Variants in LIN28B observed in about 807,000 individuals in gnomAD.
The protein encoded by LIN28B is lin-28 RNA binding posttranscriptional regulator B.
A neutral mutation model predicts 21.9 loss-of-function variants in LIN28B; 5 were observed. The observed-to-expected ratio is 0.23, with a 90% CI of 0.12 to 0.48. The LOEUF (loss-of-function observed/expected upper bound fraction) is 0.48, where lower values mean the gene tolerates loss of function less well. Ranked by LOEUF, LIN28B falls within the 20% of genes least tolerant of loss-of-function variation. LIN28B has a pLI of 0.98. For synonymous variants in LIN28B, 109 were observed against 111.3 expected (o/e 0.98, Z 0.13); for missense variants, 245 against 310.5 (o/e 0.79, Z 1.58).
At chr6:105,067,649 A>G (rs1020699348) in intron 3 of LIN28B, among the ~76,000 whole-genome samples, 4 of 152,148 alleles carry the variant, frequency 2.6e-5, no homozygotes, top group Non-Finnish European at 4.4e-5. Flanking sequence ...GAGAGATAAC[A>G]TTTCTATTTG....
intron 3 of LIN28B, among the ~76,000 whole-genome samples, chr6:105,052,258 T>A (rs62419620): frequency 0.036 from 5,500 of 152,250 alleles, 146 homozygotes; most frequent in Middle Eastern, 0.061. Flanking sequence ...TTTATGAAGT[T>A]TGATTTTATT....
In LIN28B at chr6:105,030,120, T is replaced by C. The variant is rs77714763; in HGVS notation, c.383+3638T>C. Among the ~76,000 whole-genome samples, 473 of 152,298 alleles carry C rather than the reference T, an allele frequency of 3.1e-3. 6 individuals carry two copies. The highest frequency in any genetic ancestry group is 0.011 in the African/African-American group (451 of 41,560). ...TATTAAGCTAAGGGTGTCCATAATT[T>C]TTGTCACTAGGATTAGCAATTCCAG... On this transcript the variant is annotated intron_variant, in intron 3 of 3. Coordinates refer to ENST00000345080, the MANE Select transcript of LIN28B (RefSeq NM_001004317.4).
chr6:105,026,044 A>G (rs1184428537), intron 2 of LIN28B, among the ~76,000 whole-genome samples: 3 of 152,084 alleles, frequency 2.0e-5, no homozygotes. Flanking sequence ...TTAATTGTGG[A>G]ATTGCTGGGA....
chr6:104,957,044 A>G (rs1029230513), upstream of LIN28B: 3 of 1,425,538 alleles, frequency 2.1e-6, no homozygotes, highest in South Asian at 1.5e-5. Context: ...GCAAGAAAGC[A>G]TGTAATTGAC....
intron 3 of LIN28B, among the ~76,000 whole-genome samples, chr6:105,049,785 T>C (rs1475976493): frequency 6.6e-6 from 1 of 152,198 alleles, no homozygotes; most frequent in Non-Finnish European, 1.5e-5. Context: ...ATGATCTTTG[T>C]TGGTTTAAAG....
chr6:104,954,286 A>G (rs940113076), upstream of LIN28B, among the ~76,000 whole-genome samples: 3 of 152,224 alleles, frequency 2.0e-5, no homozygotes, highest in African/African-American at 7.2e-5. Flanking sequence ...TAGAAGACTC[A>G]TAGGACGACT....
intron 2 of LIN28B, among the ~76,000 whole-genome samples, chr6:105,009,522 C>T (rs928658226): frequency 6.6e-6 from 1 of 152,018 alleles, no homozygotes; most frequent in Non-Finnish European, 1.5e-5. Flanking sequence ...TTTCCTATTA[C>T]CTGTACAGCT....
intron 3 of LIN28B, among the ~76,000 whole-genome samples, chr6:105,044,115 C>G (rs929268744): frequency 6.6e-6 from 1 of 151,854 alleles, no homozygotes; most frequent in Non-Finnish European, 1.5e-5. Flanking sequence ...CTTTTAAATC[C>G]ATCAAAAGTT....
intron 2 of LIN28B, among the ~76,000 whole-genome samples, chr6:104,992,674 T>TA (rs900772515): frequency 9.9e-5 from 15 of 152,036 alleles, no homozygotes; most frequent in South Asian, 2.1e-4. Flanking sequence ...TCTGGATAAT[T>TA]AAAAAAATTT....
At chr6:104,950,566 A>G (rs995487045) in intron 3 of LIN28B, 1 of 995,552 alleles carries the variant, frequency 1.0e-6, no homozygotes. Context: ...TAAAAGATCA[A>G]GATCGCTAGA....
At chr6:104,956,982 T>TG, upstream of LIN28B, 1 of 881,076 alleles carries the variant, frequency 1.1e-6, no homozygotes, top group Non-Finnish European at 1.6e-6. Flanking sequence ...AAATGGCGAT[T>TG]GGTTATCTCT....
At chr6:105,030,021 C>T (rs1377334643) in intron 3 of LIN28B, among the ~76,000 whole-genome samples, 3 of 152,184 alleles carry the variant, frequency 2.0e-5, no homozygotes, top group Non-Finnish European at 4.4e-5. Flanking sequence ...ACTGTTCCAA[C>T]TCCTTACTCT....
At chr6:105,029,137 G>A (rs553496794) in intron 3 of LIN28B, among the ~76,000 whole-genome samples, 10 of 152,156 alleles carry the variant, frequency 6.6e-5, no homozygotes, top group Non-Finnish European at 1.3e-4. Context: ...GAAAGCCTTC[G>A]TGGGTTGTGT....
chr6:105,055,919 C>CTT (rs71006633), intron 3 of LIN28B, among the ~76,000 whole-genome samples: 2,502 of 83,058 alleles, frequency 0.03, 17 homozygotes, highest in Non-Finnish European at 0.037. Context: ...CCATGCCTGG[C>CTT]TTTTTTTTTT....
At chr6:105,029,084 G>A (rs1771362713) in intron 3 of LIN28B, among the ~76,000 whole-genome samples, 1 of 152,190 alleles carries the variant, frequency 6.6e-6, no homozygotes, top group Admixed American at 6.5e-5. Context: ...TCATTATTGA[G>A]GTCTGAGGTT....
chr6:104,947,157 C>T (rs1004258272), intron 2 of LIN28B, among the ~76,000 whole-genome samples: 10 of 152,154 alleles, frequency 6.6e-5, no homozygotes, highest in Non-Finnish European at 1.5e-4. Flanking sequence ...CAGAGTCTCA[C>T]TGTGTCACCC....
At chr6:104,990,567 T>A (rs999827083) in intron 2 of LIN28B, among the ~76,000 whole-genome samples, 16 of 107,078 alleles carry the variant, frequency 1.5e-4, no homozygotes, top group African/African-American at 4.7e-4. Context: ...TTTTTATTTT[T>A]TATTTTTTTT....
intron 2 of LIN28B, chr6:104,941,330 T>G (rs1778088178): frequency 6.6e-6 from 1 of 151,934 alleles, no homozygotes; most frequent in Admixed American, 6.5e-5. Context: ...CACACCTTTC[T>G]CTCCCCGCTC....
intron 2 of LIN28B, among the ~76,000 whole-genome samples, chr6:105,011,631 CCT>C (rs1225712725): frequency 3.3e-5 from 5 of 151,052 alleles, no homozygotes; most frequent in East Asian, 2.0e-4. Context: ...AGGCAGATCA[CCT>C]GAGGTCAGGA....
Sources: gnomAD v4.1 joint callset for allele counts (sites outside exome capture counted in the v4.1 genomes callset) on GRCh38, gnomAD v4.1.1 for gene constraint, MANE v1.5 for transcripts, NCBI Gene and HGNC (gene_info 2026-07-23, HGNC 2026-07-21) for gene names.